Variants in PTPRD observed in about 807,000 individuals in gnomAD.
PTPRD encodes protein tyrosine phosphatase receptor type D, also known as receptor-type tyrosine-protein phosphatase delta.
A neutral mutation model predicts 214.5 loss-of-function variants in PTPRD; 34 were observed. The ratio of observed to expected loss-of-function variants is 0.16; its 90% CI spans 0.12 to 0.21. The LOEUF (loss-of-function observed/expected upper bound fraction) is 0.21. PTPRD is among the 10% of genes least tolerant of loss of function. The pLI is 1.00. For synonymous variants in PTPRD, 1,128 were observed against 845.7 expected (o/e 1.33, Z -5.79); for missense variants, 2,545 against 2,398.7 (o/e 1.06, Z -1.27).
chr9:8,443,855 T>C (rs1418629527), intron 34 of PTPRD, among the ~76,000 whole-genome samples: 2 of 152,164 alleles, frequency 1.3e-5, no homozygotes, highest in Admixed American at 6.5e-5. Context: ...AACCTCTAAA[T>C]TTTCTTTGCT....
chr9:10,251,324 A>G (rs1181439824), intron 3 of PTPRD, among the ~76,000 whole-genome samples: 4 of 152,142 alleles, frequency 2.6e-5, no homozygotes, highest in Non-Finnish European at 5.9e-5. Flanking sequence ...CCTTTCACAG[A>G]TAAAAATTAA....
At chr9:9,150,514 G>A (rs908605733) in intron 10 of PTPRD, among the ~76,000 whole-genome samples, 3 of 148,204 alleles carry the variant, frequency 2.0e-5, no homozygotes. Flanking sequence ...TTTTGAGATG[G>A]AGTCTTGCTA....
chr9:8,414,751 G>C (rs1403975012), intron 35 of PTPRD, among the ~76,000 whole-genome samples: 1 of 151,822 alleles, frequency 6.6e-6, no homozygotes, highest in Non-Finnish European at 1.5e-5. Context: ...CCCCAAGGTA[G>C]AGCTGGTTCT....
chr9:8,380,277 G>A (rs558022968), intron 37 of PTPRD, among the ~76,000 whole-genome samples: 12 of 152,244 alleles, frequency 7.9e-5, no homozygotes, highest in African/African-American at 2.9e-4. Flanking sequence ...ACTAAGTGGG[G>A]TGTTTCTAAA....
intron 11 of PTPRD, among the ~76,000 whole-genome samples, chr9:8,979,864 T>G (rs1438700404): frequency 6.6e-6 from 1 of 152,036 alleles, no homozygotes; most frequent in African/African-American, 2.4e-5. Context: ...CTTTTGGACA[T>G]ATACCCAAAG....
chr9:9,211,080 A>G (rs950057102), intron 9 of PTPRD, among the ~76,000 whole-genome samples: 1 of 150,684 alleles, frequency 6.6e-6, no homozygotes, highest in African/African-American at 2.4e-5. Flanking sequence ...CATGTGTGTG[A>G]GTGTGTGTGT....
At chr9:8,720,518 G>C (rs979480000) in intron 12 of PTPRD, among the ~76,000 whole-genome samples, 2 of 152,080 alleles carry the variant, frequency 1.3e-5, no homozygotes, top group African/African-American at 4.8e-5. Context: ...ATGATGATGA[G>C]TAAAAAGTGA....
intron 3 of PTPRD, among the ~76,000 whole-genome samples, chr9:10,139,609 G>GGAAGGGGAACATCACA (rs1237501576): frequency 6.6e-6 from 1 of 151,936 alleles, no homozygotes; most frequent in African/African-American, 2.4e-5. Flanking sequence ...AACGAAATGA[G>GGAAGGGGAACATCACA]CTGGAGATAT....
intron 2 of PTPRD, among the ~76,000 whole-genome samples, chr9:10,412,159 C>T (rs1201491784): frequency 1.3e-5 from 2 of 151,576 alleles, no homozygotes; most frequent in Non-Finnish European, 2.9e-5. Context: ...ACTAATTCCT[C>T]AACTTAACAT....
rs547329700 is a variant in PTPRD at position 8,743,942 on chromosome 9, G to GA, written c.-103-9997dup. On this transcript the variant is annotated intron_variant, in intron 11 of 45. Transcript: ENST00000381196. ...AAAGAACTCAAACTCAAATCAGCAA[G>GA]AAAAAAAAAATCACATCCAAAAGTG... 3.7e-3 allele frequency among the ~76,000 whole-genome samples: 544 copies of GA among 146,936 alleles called. 3 individuals carry two copies. The highest frequency in any genetic ancestry group is 0.012 in the African/African-American group (468 of 40,112).
At chr9:8,380,891 AC>A (rs2084858241) in intron 37 of PTPRD, among the ~76,000 whole-genome samples, 1 of 152,142 alleles carries the variant, frequency 6.6e-6, no homozygotes, top group Non-Finnish European at 1.5e-5. Context: ...TAAATTGTCT[AC>A]CACTTTCTGA....
intron 10 of PTPRD, among the ~76,000 whole-genome samples, chr9:9,031,815 A>G (rs1450389851): frequency 1.3e-5 from 2 of 152,080 alleles, no homozygotes; most frequent in African/African-American, 2.4e-5. Flanking sequence ...GCCTCATAGG[A>G]TAAATGGGAC....
At chr9:10,035,974 A>G (rs1047612824) in intron 3 of PTPRD, among the ~76,000 whole-genome samples, 1 of 152,112 alleles carries the variant, frequency 6.6e-6, no homozygotes, top group Non-Finnish European at 1.5e-5. Flanking sequence ...GTGAGTGTCT[A>G]AATCATGGGG....
intron 4 of PTPRD, among the ~76,000 whole-genome samples, chr9:10,031,720 T>C (rs911837734): frequency 6.7e-6 from 1 of 149,098 alleles, no homozygotes; most frequent in East Asian, 2.0e-4. Flanking sequence ...AATACGTCTT[T>C]AAGGATTCAC....
At chr9:9,955,531 T>TTTTG (rs1566698764) in intron 4 of PTPRD, among the ~76,000 whole-genome samples, 16 of 134,198 alleles carry the variant, frequency 1.2e-4, no homozygotes, top group Non-Finnish European at 2.3e-4. Context: ...GTTTTGTTTT[T>TTTTG]TTTTTTTTTT....
intron 11 of PTPRD, among the ~76,000 whole-genome samples, chr9:8,883,436 G>T (rs1268304488): frequency 1.3e-5 from 2 of 152,146 alleles, no homozygotes; most frequent in Non-Finnish European, 2.9e-5. Context: ...GGCCAGTGTT[G>T]TTAGACTTAA....
At chr9:8,404,701 G>A (rs758460979) in intron 35 of PTPRD, 41 bp from the exon 36 acceptor site, 4 of 1,565,722 alleles carry the variant, frequency 2.6e-6, no homozygotes, top group East Asian at 2.3e-5. Flanking sequence ...AATCAATACT[G>A]AAAACCACCA....
chr9:8,643,559 A>G (rs966349675), intron 12 of PTPRD, among the ~76,000 whole-genome samples: 2 of 152,158 alleles, frequency 1.3e-5, no homozygotes, highest in African/African-American at 4.8e-5. Flanking sequence ...GACGCAGGGC[A>G]TAGGGGAAGC....
At chr9:9,413,759 T>C (rs1270894889) in intron 8 of PTPRD, among the ~76,000 whole-genome samples, 1 of 152,210 alleles carries the variant, frequency 6.6e-6, no homozygotes, top group Admixed American at 6.5e-5. Context: ...AGGAGAGGGA[T>C]ATCTGTCTCT....
Sources: allele counts gnomAD v4.1 joint callset (sites outside exome capture counted in the v4.1 genomes callset), GRCh38; gene constraint gnomAD v4.1.1; transcripts MANE v1.5; gene names NCBI Gene and HGNC (gene_info 2026-07-23, HGNC 2026-07-21).